TSG101: variants seen among roughly 807,000 people sequenced by gnomAD.
The protein encoded by TSG101 is tumor susceptibility gene 101 protein.
In TSG101, 19 loss-of-function variants were observed where a neutral mutation model predicts 48.5. That is an observed-to-expected ratio of 0.39 (90% CI 0.27 to 0.58). The LOEUF (loss-of-function observed/expected upper bound fraction) is 0.58, where lower values mean the gene tolerates loss of function less well. Ranked by LOEUF, TSG101 falls within the 20% of genes least tolerant of loss-of-function variation. TSG101 has a pLI of 0.55. For missense variants in TSG101, 365 were observed against 484.4 expected (o/e 0.75, Z 2.31); for synonymous variants, 174 against 169.4 (o/e 1.03, Z -0.21).
At chr11:18,489,184 A>C (rs1849663902) in intron 7 of TSG101, among the ~76,000 whole-genome samples, 1 of 151,402 alleles carries the variant, frequency 6.6e-6, no homozygotes, top group Non-Finnish European at 1.5e-5. Context: ...CAGGAAATTC[A>C]GTACTCCTCA....
At chr11:18,507,048 C>A in intron 5 of TSG101, 125 bp from the exon 6 acceptor site, 1 of 569,744 alleles carries the variant, frequency 1.8e-6, no homozygotes. Flanking sequence ...ATCCAAATCT[C>A]AGCACCAAAA....
chr11:18,504,317 T>C (rs1849935570), intron 6 of TSG101, among the ~76,000 whole-genome samples: 1 of 152,080 alleles, frequency 6.6e-6, no homozygotes, highest in South Asian at 2.1e-4. Context: ...ATTTGTATTA[T>C]CAGCTTCCAC....
chr11:18,495,995 A>C (rs1849770995), intron 7 of TSG101, among the ~76,000 whole-genome samples: 2 of 129,430 alleles, frequency 1.5e-5, no homozygotes. Context: ...AGCTGACAGT[A>C]CATCCTCCAA....
At chr11:18,487,522 C>T (rs1192623512) in intron 7 of TSG101, among the ~76,000 whole-genome samples, 1 of 152,098 alleles carries the variant, frequency 6.6e-6, no homozygotes, top group Non-Finnish European at 1.5e-5. Context: ...TAGATCGTTT[C>T]TGTAACCATT....
intron 2 of TSG101, among the ~76,000 whole-genome samples, chr11:18,516,763 G>C (rs1425487425): frequency 2.0e-5 from 3 of 151,770 alleles, no homozygotes; most frequent in Admixed American, 1.3e-4. Flanking sequence ...CCAACATGGA[G>C]AAACCCCATC....
intron 7 of TSG101, among the ~76,000 whole-genome samples, chr11:18,502,088 A>G (rs1328273857): frequency 6.6e-6 from 1 of 152,246 alleles, no homozygotes; most frequent in Non-Finnish European, 1.5e-5. Context: ...GCAAACACAA[A>G]AAGCAAAAAC....
chr11:18,487,262 TAAAA>T (rs112480739), intron 7 of TSG101, among the ~76,000 whole-genome samples: 4 of 137,768 alleles, frequency 2.9e-5, no homozygotes, highest in African/African-American at 1.1e-4. Flanking sequence ...TAAAGTATAA[TAAAA>T]AAAAAAAAGA....
At chr11:18,516,409 A>G (rs1198095932) in intron 2 of TSG101, among the ~76,000 whole-genome samples, 3 of 150,756 alleles carry the variant, frequency 2.0e-5, no homozygotes, top group African/African-American at 7.3e-5. Context: ...CAATGGCGCG[A>G]TTTTGGCTCG....
chr11:18,485,627 C>T (rs553403652), intron 7 of TSG101, among the ~76,000 whole-genome samples: 8 of 152,194 alleles, frequency 5.3e-5, no homozygotes, highest in Non-Finnish European at 1.2e-4. Flanking sequence ...TATATGAGCG[C>T]TCTCCAAAAT....
intron 2 of TSG101, among the ~76,000 whole-genome samples, chr11:18,516,717 G>A (rs976056637): frequency 2.0e-5 from 3 of 151,818 alleles, no homozygotes; most frequent in Admixed American, 6.6e-5. Flanking sequence ...CGAGGCAGGT[G>A]GATCACCTGA....
chr11:18,521,170 C>T lies in TSG101; in HGVS notation c.43-1567G>A, dbSNP rs1037054489. Reference sequence around the variant, plus strand: ...GATATCAGCAACCACTGATGCTCAACGTCTAGAGACCTGGTCTCTTCAAAT... The same window carrying T: ...GATATCAGCAACCACTGATGCTCAATGTCTAGAGACCTGGTCTCTTCAAAT... On this transcript the variant is annotated intron_variant, in intron 1 of 9. Coordinates refer to ENST00000251968, the MANE Select transcript of TSG101 (RefSeq NM_006292.4). Among the ~76,000 whole-genome samples the T allele has an allele frequency of 3.3e-5, 5 of 152,016 alleles. No homozygotes were observed. In the East Asian group the frequency reaches 7.7e-4, roughly 23 times the overall value.
At chr11:18,484,798 G>A (rs141329144) in intron 7 of TSG101, among the ~76,000 whole-genome samples, 104 of 152,132 alleles carry the variant, frequency 6.8e-4, no homozygotes, top group African/African-American at 2.4e-3. Flanking sequence ...ATAAGTTTGG[G>A]TATTCTTTAT....
At chr11:18,484,480 A>G (rs966844497) in intron 7 of TSG101, among the ~76,000 whole-genome samples, 1 of 152,232 alleles carries the variant, frequency 6.6e-6, no homozygotes, top group Admixed American at 6.5e-5. Context: ...TGAAGGAGAC[A>G]AGTGCCCACT....
At chr11:18,493,269 AACACTCT>A (rs1234672701) in intron 7 of TSG101, among the ~76,000 whole-genome samples, 1 of 152,198 alleles carries the variant, frequency 6.6e-6, no homozygotes, top group African/African-American at 2.4e-5. Context: ...TTAGGAAACC[AACACTCT>A]ACACTCAATG....
At chr11:18,483,068 C>T (rs1849567155) in intron 8 of TSG101, among the ~76,000 whole-genome samples, 1 of 151,946 alleles carries the variant, frequency 6.6e-6, no homozygotes, top group Non-Finnish European at 1.5e-5. Flanking sequence ...AGGGATGGCA[C>T]GCAGGGGTGG....
At chr11:18,490,118 G>C (rs574829567) in intron 7 of TSG101, 1 of 179,218 alleles carries the variant, frequency 5.6e-6, no homozygotes, top group Non-Finnish European at 1.2e-5. Flanking sequence ...AACCATTTTT[G>C]CTAGGCTGAG....
chr11:18,490,404 G>A (rs1308242292), intron 7 of TSG101: 11 of 591,486 alleles, frequency 1.9e-5, no homozygotes, highest in Non-Finnish European at 3.2e-5. Flanking sequence ...CAGGCTGCAG[G>A]CCTTTTCAGT....
intron 2 of TSG101, among the ~76,000 whole-genome samples, chr11:18,519,310 T>C (rs76807978): frequency 6.6e-6 from 1 of 151,286 alleles, no homozygotes; most frequent in African/African-American, 2.4e-5. Context: ...AGGTACAGTA[T>C]TTTTTTTTAA....
rs2133938240 is a variant in TSG101, at chr11:18,526,694, T to A, written c.42+81A>T. The A allele has an allele frequency of 2.0e-6, 3 of 1,527,862 alleles. No homozygotes were observed. The East Asian group carries it at 7.2e-5, about 36-fold the overall frequency. The allele number at this position is 1,527,862 out of a possible 1,614,324, so 94.6% of individuals were successfully genotyped here. On this transcript the variant is annotated intron_variant, in intron 1 of 9. Coordinates refer to ENST00000251968, the MANE Select transcript of TSG101 (RefSeq NM_006292.4). ...TTCCGGCCCGTCTGGGAAGCTTGCT[T>A]GGCTGGGCCGGGACGGACTCGACAG...
Sources: gnomAD v4.1 joint callset for allele counts (sites outside exome capture counted in the v4.1 genomes callset) on GRCh38, gnomAD v4.1.1 for gene constraint, MANE v1.5 for transcripts, NCBI Gene and HGNC (gene_info 2026-07-23, HGNC 2026-07-21) for gene names.